The following ACTR3C variants were observed in gnomAD, a reference collection of about 807,000 sequenced individuals.
ACTR3C encodes actin-related protein 3C.
A neutral mutation model predicts 26.3 loss-of-function variants in ACTR3C; 18 were observed. The observed-to-expected ratio is 0.68, with a 90% CI of 0.47 to 1.01. ACTR3C has a LOEUF of 1.01. Ranked by LOEUF, ACTR3C falls within the 50% of genes least tolerant of loss-of-function variation. ACTR3C has a pLI of 0.00. For missense variants in ACTR3C, 184 were observed against 250.7 expected, an observed-to-expected ratio of 0.73 and a Z score of 1.80; for synonymous variants, 55 against 94.5, an observed-to-expected ratio of 0.58 and a Z score of 2.42.
the ACTR3C span, among the ~76,000 whole-genome samples, chr7:150,110,849 T>C: frequency 3.3e-5 from 1 of 30,466 alleles, no homozygotes; most frequent in Admixed American, 4.3e-4. Flanking sequence ...CTGTTGGGGG[T>C]GTGGCTCTTA....
At chr7:149,887,778 G>A in the ACTR3C span, among the ~76,000 whole-genome samples, 1 of 140,906 alleles carries the variant, frequency 7.1e-6, no homozygotes, top group African/African-American at 2.6e-5. Context: ...CTGTGTTGTG[G>A]GAGGGACCAG....
the ACTR3C span, among the ~76,000 whole-genome samples, chr7:149,995,173 G>T: frequency 2.0e-5 from 3 of 151,894 alleles, no homozygotes; most frequent in African/African-American, 7.2e-5. Context: ...TTTATATAAA[G>T]CTCCATGCAA....
the ACTR3C span, among the ~76,000 whole-genome samples, chr7:150,108,428 A>T: frequency 0.15 from 23,038 of 151,824 alleles, 2,130 homozygotes; most frequent in African/African-American, 0.23. Flanking sequence ...AGTGGGATTT[A>T]AAAGACAATT....
intron 1 of ACTR3C, among the ~76,000 whole-genome samples, chr7:150,307,819 A>G (rs1207848382): frequency 6.6e-6 from 1 of 152,114 alleles, no homozygotes; most frequent in Non-Finnish European, 1.5e-5. Flanking sequence ...ACCAGCCCAA[A>G]CAAAACACCT....
chr7:150,130,017 G>A, the ACTR3C span, among the ~76,000 whole-genome samples: 1 of 152,108 alleles, frequency 6.6e-6, no homozygotes, highest in South Asian at 2.1e-4. Flanking sequence ...TCCAGAAACA[G>A]ACCCATTCAT....
At chr7:150,041,622 C>G in the ACTR3C span, among the ~76,000 whole-genome samples, 1 of 122,288 alleles carries the variant, frequency 8.2e-6, no homozygotes, top group Non-Finnish European at 1.8e-5. Flanking sequence ...CAGTCCCTGC[C>G]TCGCGGGGGG....
chr7:149,949,364 A>T, the ACTR3C span, among the ~76,000 whole-genome samples: 1 of 139,218 alleles, frequency 7.2e-6, no homozygotes, highest in Non-Finnish European at 1.5e-5. Flanking sequence ...CGAGAGTAAG[A>T]CTCCGACAGA....
chr7:149,988,174 T>A, the ACTR3C span, among the ~76,000 whole-genome samples: 2 of 152,224 alleles, frequency 1.3e-5, no homozygotes, highest in Non-Finnish European at 2.9e-5. Context: ...CCTCCACGTT[T>A]CCACCTTCTG....
At chr7:149,940,523 AT>A in the ACTR3C span, among the ~76,000 whole-genome samples, 1 of 152,138 alleles carries the variant, frequency 6.6e-6, no homozygotes, top group East Asian at 1.9e-4. Context: ...GGGTATATTA[AT>A]GTTTCCCTGG....
the ACTR3C span, among the ~76,000 whole-genome samples, chr7:149,966,814 A>C: frequency 6.6e-6 from 1 of 151,594 alleles, no homozygotes; most frequent in South Asian, 2.1e-4. Context: ...TTAAGCTTCC[A>C]TGTCCTCTTT....
the ACTR3C span, among the ~76,000 whole-genome samples, chr7:150,035,531 T>A: frequency 8.8e-6 from 1 of 114,276 alleles, no homozygotes; most frequent in Non-Finnish European, 1.8e-5. Flanking sequence ...TCGTGGGGGG[T>A]GCCTCCCCCT....
At chr7:150,170,401 C>T in the ACTR3C span, among the ~76,000 whole-genome samples, 21,476 of 149,022 alleles carry the variant, frequency 0.14, 3,251 homozygotes, top group African/African-American at 0.33. Flanking sequence ...GTTGAGGAAA[C>T]ACACAGGGCT....
the ACTR3C span, among the ~76,000 whole-genome samples, chr7:150,205,766 T>G: frequency 1.3e-5 from 2 of 151,938 alleles, no homozygotes; most frequent in African/African-American, 2.4e-5. Flanking sequence ...ACCTGGGAAA[T>G]AGCCATCACT....
At chr7:150,075,982 A>T in the ACTR3C span, among the ~76,000 whole-genome samples, 1 of 152,150 alleles carries the variant, frequency 6.6e-6, no homozygotes, top group African/African-American at 2.4e-5. Flanking sequence ...AACAAGAATT[A>T]CATTATGCAA....
chr7:150,208,898 G>C, the ACTR3C span, among the ~76,000 whole-genome samples: 1 of 151,964 alleles, frequency 6.6e-6, no homozygotes, highest in South Asian at 2.1e-4. Context: ...TATTACAGCT[G>C]AATTCCATAT....
chr7:149,928,736 A>G, the ACTR3C span, among the ~76,000 whole-genome samples: 2 of 151,524 alleles, frequency 1.3e-5, no homozygotes, highest in East Asian at 3.9e-4. Context: ...CCAGCTACTC[A>G]GGAGGCTGGG....
chr7:150,213,410 A>G, the ACTR3C span, among the ~76,000 whole-genome samples: 1 of 152,348 alleles, frequency 6.6e-6, no homozygotes, highest in East Asian at 1.9e-4. Context: ...CAGAAAGAGA[A>G]GAGAAAATAA....
chr7:150,138,338 A>AG, the ACTR3C span, among the ~76,000 whole-genome samples: 1 of 152,244 alleles, frequency 6.6e-6, no homozygotes, highest in African/African-American at 2.4e-5. Context: ...GGAACGAAGG[A>AG]GGAAGTGAGC....
the ACTR3C span, among the ~76,000 whole-genome samples, chr7:150,114,216 T>C: frequency 3.3e-5 from 5 of 152,194 alleles, no homozygotes; most frequent in Admixed American, 3.3e-4. Context: ...TCAGCAGAAA[T>C]CACGCTCAAT....
Sources: allele counts gnomAD v4.1 joint callset (sites outside exome capture counted in the v4.1 genomes callset), GRCh38; gene constraint gnomAD v4.1.1; transcripts MANE v1.5; gene names NCBI Gene and HGNC (gene_info 2026-07-23, HGNC 2026-07-21).